SASH1: variants seen among roughly 807,000 people sequenced by gnomAD.
The protein encoded by SASH1 is SAM and SH3 domain-containing protein 1.
Under a neutral mutation model 125.2 loss-of-function variants are expected in SASH1, and 44 were observed. The observed-to-expected ratio is 0.35, with a 90% CI of 0.28 to 0.45. The LOEUF (loss-of-function observed/expected upper bound fraction) is 0.45. Among genes scored for constraint, SASH1 ranks in the 20% least tolerant of loss-of-function variants. The pLI is 1.00. For missense variants in SASH1, 1,426 were observed against 1,614.5 expected, an observed-to-expected ratio of 0.88 and a Z score of 2.00; for synonymous variants, 639 against 649.1, an observed-to-expected ratio of 0.98 and a Z score of 0.24.
chr6:148,199,005 A>G, the SASH1 span, among the ~76,000 whole-genome samples: 4 of 152,148 alleles, frequency 2.6e-5, no homozygotes, highest in Admixed American at 2.0e-4. Context: ...CTCATTTTAC[A>G]AAGAAGGGAG....
At chr6:148,349,646 TA>T (rs1201902776) in intron 1 of SASH1, among the ~76,000 whole-genome samples, 3 of 152,092 alleles carry the variant, frequency 2.0e-5, no homozygotes, top group Non-Finnish European at 4.4e-5. Flanking sequence ...CAGGCAGGGA[TA>T]GTGAGAGCCC....
intron 1 of SASH1, among the ~76,000 whole-genome samples, chr6:148,326,341 T>TATATATATATGC (rs1780808314): frequency 1.1e-5 from 1 of 88,372 alleles, no homozygotes; most frequent in African/African-American, 4.4e-5. Context: ...TATATATATA[T>TATATATATATGC]ATATATATAT....
At chr6:148,420,759 T>G (rs1785024864) in intron 2 of SASH1, among the ~76,000 whole-genome samples, 1 of 152,152 alleles carries the variant, frequency 6.6e-6, no homozygotes, top group Non-Finnish European at 1.5e-5. Context: ...GTTTGAACTA[T>G]TTAGGCAATT....
In SASH1 at chr6:148,342,882, A is replaced by T; in HGVS notation, c.-186A>T. 3.4e-6 allele frequency: 1 copy of T among 290,894 alleles called. No homozygotes were observed. The highest frequency in any genetic ancestry group is 5.1e-6 in the Non-Finnish European group (1 of 195,058). The allele number at this position is 290,894 out of a possible 1,614,324, so 18.0% of individuals were successfully genotyped here. A position where few individuals can be genotyped will look rare whatever the true frequency, so the allele number is the denominator to read the frequency against. ...TCAGTCGCGCAGCCCGTGGCCACCT[A>T]GACCCGAGGTGCGGGCGCCTGCGAA... On this transcript the variant is annotated 5_prime_UTR_variant, in exon 1 of 20. Coordinates refer to ENST00000367467, the MANE Select transcript of SASH1 (RefSeq NM_015278.5).
intron 1 of SASH1, among the ~76,000 whole-genome samples, chr6:148,368,505 A>G (rs1001854525): frequency 6.6e-6 from 1 of 152,042 alleles, no homozygotes; most frequent in African/African-American, 2.4e-5. Flanking sequence ...TCCTGACCTC[A>G]AGTGATCCAC....
chr6:148,514,392 C>T lies in SASH1; in HGVS notation c.798C>T (p.Asn266=). 1.3e-6 allele frequency: 2 copies of T among 1,553,218 alleles called. No homozygotes were observed. Among genetic ancestry groups the T allele is most frequent in the East Asian group, 4.9e-5 (2 of 40,450 alleles). The change falls in exon 9 of 20, where the codon AAC becomes AAT. Residue 266 remains asparagine (N), a synonymous_variant. Transcript: ENST00000367467. ...VKFKRLHKLV[N]STRRVRKKLI... ...TTAAGAGGTTACACAAGCTGGTAAACTCCACTCGCAGAGTCAGAAAGAAAC... is the reference window on the plus strand; with the variant it reads ...TTAAGAGGTTACACAAGCTGGTAAATTCCACTCGCAGAGTCAGAAAGAAAC...
the SASH1 span, among the ~76,000 whole-genome samples, chr6:148,258,855 G>A: frequency 6.6e-6 from 1 of 152,162 alleles, no homozygotes; most frequent in African/African-American, 2.4e-5. Context: ...CAAGTTGAAT[G>A]TTTACCAGAA....
chr6:148,336,605 C>T (rs1025814783), intron 1 of SASH1, among the ~76,000 whole-genome samples: 1 of 152,286 alleles, frequency 6.6e-6, no homozygotes, highest in South Asian at 2.1e-4. Context: ...TTCAGGAACT[C>T]CACCAAGGGA....
intron 4 of SASH1, among the ~76,000 whole-genome samples, chr6:148,465,703 T>G (rs1301352707): frequency 1.3e-5 from 2 of 152,132 alleles, no homozygotes. Context: ...CACAGTCCCA[T>G]GACTTGAAGT....
intron 7 of SASH1, among the ~76,000 whole-genome samples, chr6:148,481,895 G>A (rs77496005): frequency 1.9e-3 from 296 of 152,288 alleles, no homozygotes; most frequent in Non-Finnish European, 2.6e-3. Flanking sequence ...AAACTCGTTC[G>A]ATGCAGGGCT....
chr6:148,440,367 G>C lies in SASH1; in HGVS notation c.346G>C (p.Gly116Arg). Residue 116 changes from glycine to arginine, a missense_variant, in exon 4 of 20, where the codon GGC (glycine) becomes CGC (arginine). Physicochemically the swap from Gly to Arg is moderately radical, Grantham distance 125. Around this residue, in one of 3 missense-constraint regions of SASH1, gnomAD observed 567 missense variants for 575.6 expected, o/e 0.99. Coordinates refer to ENST00000367467, the MANE Select transcript of SASH1 (RefSeq NM_015278.5). Reference sequence around the variant, plus strand: ...GAATCTTCTCTCGTAGGAGTCGCTTGGCTTCTGTAGCGCCGTGTCAACCCC... The same window carrying C: ...GAATCTTCTCTCGTAGGAGTCGCTTCGCTTCTGTAGCGCCGTGTCAACCCC... ...QLRSQIEESL[G>R]FCSAVSTPEV... The C allele has an allele frequency of 6.2e-7, 1 of 1,613,418 alleles. No homozygotes were observed. The highest frequency in any genetic ancestry group is 8.5e-7 in the Non-Finnish European group (1 of 1,179,540).
chr6:148,352,974 GA>G (rs528932538), intron 1 of SASH1, among the ~76,000 whole-genome samples: 16 of 151,246 alleles, frequency 1.1e-4, no homozygotes, highest in African/African-American at 3.9e-4. Flanking sequence ...TGTCTCCAAA[GA>G]AAAAAAAGTG....
intron 1 of SASH1, among the ~76,000 whole-genome samples, chr6:148,382,035 C>T (rs1472729223): frequency 2.6e-5 from 4 of 152,162 alleles, no homozygotes; most frequent in Middle Eastern, 3.2e-3. Context: ...GATTGTACTG[C>T]GTTCACCCTT....
At chr6:148,459,442 T>G (rs1239767494) in intron 4 of SASH1, among the ~76,000 whole-genome samples, 7 of 152,340 alleles carry the variant, frequency 4.6e-5, no homozygotes, top group South Asian at 4.1e-4. Flanking sequence ...GATGTGAAAC[T>G]CTTTAAGTTT....
intron 1 of SASH1, among the ~76,000 whole-genome samples, chr6:148,367,115 G>C (rs900772608): frequency 2.0e-5 from 3 of 151,770 alleles, no homozygotes; most frequent in East Asian, 1.9e-4. Flanking sequence ...GTGGAGGCAG[G>C]GTTTCACCAC....
intron 2 of SASH1, among the ~76,000 whole-genome samples, chr6:148,398,569 T>C (rs1784046268): frequency 6.6e-6 from 1 of 152,216 alleles, no homozygotes; most frequent in African/African-American, 2.4e-5. Flanking sequence ...AGAAGACTTA[T>C]GTCGTCCCTG....
At chr6:148,251,929 G>A in the SASH1 span, among the ~76,000 whole-genome samples, 4 of 147,310 alleles carry the variant, frequency 2.7e-5, no homozygotes, top group Admixed American at 7.0e-5. Flanking sequence ...GAGAACATGC[G>A]GTGTTTGGTT....
chr6:148,527,748 G>T, intron 12 of SASH1, 152 bp downstream of exon 12: 1 of 751,188 alleles, frequency 1.3e-6, no homozygotes. Flanking sequence ...GAGAAACACT[G>T]AATTCAACAC....
chr6:148,370,290 G>A (rs898470650), intron 1 of SASH1, among the ~76,000 whole-genome samples: 19 of 152,110 alleles, frequency 1.2e-4, no homozygotes, highest in African/African-American at 4.3e-4. Context: ...AACTATCACT[G>A]GAGATTTAAA....
Sources: gnomAD v4.1 joint callset for allele counts (sites outside exome capture counted in the v4.1 genomes callset) on GRCh38, gnomAD v4.1.1 for gene constraint, gnomAD v4.1.1 regional missense constraint, MANE v1.5 for transcripts, NCBI Gene and HGNC (gene_info 2026-07-23, HGNC 2026-07-21) for gene names.